TRPM2: variants seen among roughly 807,000 people sequenced by gnomAD.
The protein encoded by TRPM2 is estrogen-responsive element-associated gene 1 protein.
A neutral mutation model predicts 174.0 loss-of-function variants in TRPM2; 161 were observed. The ratio of observed to expected loss-of-function variants is 0.93; its 90% CI spans 0.81 to 1.05. TRPM2 has a LOEUF of 1.05. TRPM2 is among the 50% of genes least tolerant of loss of function. The probability of loss-of-function intolerance (pLI) is 0.00; values close to 1 mark genes in which losing one functional copy is unlikely to be tolerated. For synonymous variants in TRPM2, 954 were observed against 861.3 expected, an observed-to-expected ratio of 1.11 and a Z score of -1.88; for missense variants, 2,057 against 2,038.0, an observed-to-expected ratio of 1.01 and a Z score of -0.18.
rs552085410 is a variant in TRPM2, at chr21:44,379,237, C to T, written c.1215+40C>T. 12 of 1,597,866 alleles carry T rather than the reference C, an allele frequency of 7.5e-6. No homozygotes were observed. In the South Asian group the frequency reaches 1.2e-4, roughly 16 times the overall value. On this transcript the variant is annotated intron_variant, in intron 8 of 31. Coordinates refer to ENST00000397928, the MANE Select transcript of TRPM2 (RefSeq NM_003307.4). ...CACGACGGTCACCAGCATGTGGCTG[C>T]TTTGCAGAGACACTGTCAGCCTGGT...
intron 27 of TRPM2, among the ~76,000 whole-genome samples, chr21:44,431,218 C>T (rs2051010519): frequency 6.6e-6 from 1 of 151,846 alleles, no homozygotes; most frequent in Admixed American, 6.6e-5. Context: ...TAGGCTGTAA[C>T]CCTTAAATTT....
rs1164968531 is a variant in TRPM2 at position 44,382,762 on chromosome 21, G to A, written c.1260G>A (p.Arg420=). The A allele has an allele frequency of 2.5e-6, 4 of 1,614,106 alleles. No individual in the cohort carries two copies. Among genetic ancestry groups the A allele is most frequent in the Non-Finnish European group, 3.4e-6 (4 of 1,180,026 alleles). The change falls in exon 9 of 32, where the codon CGG becomes CGA. Residue 420 remains arginine (R), a synonymous_variant. Transcript: ENST00000397928. The part of the protein sequence containing the change: ...VRRRQLLTVF[R]EGKDGQQDVD... ...GGCGGCAGCTGCTGACTGTCTTCCG[G>A]GAAGGCAAGGATGGTCAGCAGGACG...
At chr21:44,372,822 AC>A (rs1219135033) in intron 5 of TRPM2, among the ~76,000 whole-genome samples, 1 of 151,994 alleles carries the variant, frequency 6.6e-6, no homozygotes, top group African/African-American at 2.4e-5. Context: ...TGGCTTGGGC[AC>A]CCCCTACCCT....
At chr21:44,380,715 G>A (rs1479611845) in intron 8 of TRPM2, among the ~76,000 whole-genome samples, 1 of 152,206 alleles carries the variant, frequency 6.6e-6, no homozygotes, top group African/African-American at 2.4e-5. Context: ...CTCGGGTGCT[G>A]CTGCTGGTGG....
rs769224418 is a variant in TRPM2, at chr21:44,399,306, C to T, written c.2073C>T (p.Thr691=). 25 of 1,612,340 alleles carry T rather than the reference C, an allele frequency of 1.6e-5. No homozygotes were observed. The highest frequency in any genetic ancestry group is 1.9e-5 in the Non-Finnish European group (23 of 1,179,710). Residue 691 remains threonine (T), a synonymous_variant, in exon 14 of 32, where the codon ACC becomes ACT. Coordinates refer to ENST00000397928, the MANE Select transcript of TRPM2 (RefSeq NM_003307.4). This position sits in a 1 kb window ranked among gnomAD's most constrained non-coding sequence, Gnocchi z 4.6. ...CATATCTCCGCCCAGGGGTCTTCAC[C>T]GAGTGCTACCGGAAGGACGAAGAGA... ...EYEHRAIGVF[T]ECYRKDEERA...
Position 44,405,245 on chromosome 21 carries a change from C to T in TRPM2, c.2642C>T (p.Ala881Val), listed in dbSNP as rs762456763. The T allele has an allele frequency of 1.9e-6, 3 of 1,612,976 alleles. No homozygotes were observed. Among genetic ancestry groups the T allele is most frequent in the East Asian group, 4.5e-5 (2 of 44,898 alleles). Residue 881 changes from alanine (A) to valine (V), a missense_variant, in exon 17 of 32, where the codon GCA becomes GTA. Physicochemically the swap from Ala to Val is moderately conservative, Grantham distance 64. Coordinates refer to ENST00000397928, the MANE Select transcript of TRPM2 (RefSeq NM_003307.4). Reference sequence around the variant, plus strand: ...GTCGGCGCAATCTTGCTCTTCGTGGCAGGGCTGACCTGCAGGTGAGTGGCC... The same window carrying T: ...GTCGGCGCAATCTTGCTCTTCGTGGTAGGGCTGACCTGCAGGTGAGTGGCC... ...LDVGAILLFV[A>V]GLTCRLIPAT...
At chr21:44,369,993 G>C (rs1270727266) in intron 5 of TRPM2, among the ~76,000 whole-genome samples, 6 of 147,444 alleles carry the variant, frequency 4.1e-5, no homozygotes, top group South Asian at 2.1e-4. Context: ...ACGTCTGACC[G>C]GGTGCTGTGA....
chr21:44,429,278 C>CTTTTTTT lies in TRPM2; in HGVS notation c.3974+2187_3974+2193dup, dbSNP rs35708355. On this transcript the variant is annotated intron_variant, in intron 27 of 31. Transcript: ENST00000397928. ...GTAATTATAACATTTTTTTCTTTTT[C>CTTTTTTT]TTTTTTTTTTTTTTTTTTTTTTTTT... Among the ~76,000 whole-genome samples the CTTTTTTT allele has an allele frequency of 1.3e-3, 58 of 44,200 alleles. 1 individual carries two copies. The highest frequency in any genetic ancestry group is 0.023 in the Middle Eastern group (1 of 44). 29.0% of individuals were successfully genotyped at this position (44,200 alleles called of 152,430 possible).
At chr21:44,373,552 CG>C (rs1569029722) in intron 5 of TRPM2, among the ~76,000 whole-genome samples, 1 of 100,486 alleles carries the variant, frequency 1.0e-5, no homozygotes, top group African/African-American at 3.3e-5. Flanking sequence ...GCATTATATG[CG>C]ACCTGCATTA....
At chr21:44,400,163 T>C in intron 14 of TRPM2, 96 bp from the exon 15 acceptor site, 1 of 1,016,010 alleles carries the variant, frequency 9.8e-7, no homozygotes, top group Non-Finnish European at 1.5e-6. Context: ...GCTAGCTCTG[T>C]CCACTAGGCA....
intron 2 of TRPM2, 45 bp from the exon 3 acceptor site, chr21:44,364,069 G>T (rs950095036): frequency 6.3e-7 from 1 of 1,589,402 alleles, no homozygotes; most frequent in African/African-American, 1.3e-5. Context: ...CAGGGAGCAG[G>T]AAGGGCACCA....
At chr21:44,386,168 G>A (rs1317020797) in intron 9 of TRPM2, among the ~76,000 whole-genome samples, 2 of 152,110 alleles carry the variant, frequency 1.3e-5, no homozygotes, top group Non-Finnish European at 2.9e-5. Context: ...GGCGGATCAC[G>A]AGGTCAGGAG....
chr21:44,377,450 A>T (rs189173972), intron 6 of TRPM2, among the ~76,000 whole-genome samples: 2 of 152,288 alleles, frequency 1.3e-5, no homozygotes, highest in African/African-American at 4.8e-5. Context: ...CTGCTCATTG[A>T]TGTGGAACAG....
At position 44,413,902 on chromosome 21, in the gene TRPM2, A is replaced by C; in HGVS notation, c.2974A>C (p.Asn992His). 6.2e-7 allele frequency: 1 copy of C among 1,611,340 alleles called. No homozygotes were observed. The highest frequency in any genetic ancestry group is 1.3e-5 in the African/African-American group (1 of 74,940). Reference sequence around the variant, plus strand: ...ATTCCCAACGCCAGGTGTGAACTTCAACCCGGAGCACTGCAGCCCCAATGG... The same window carrying C: ...ATTCCCAACGCCAGGTGTGAACTTCCACCCGGAGCACTGCAGCCCCAATGG... The part of the protein sequence containing the change: ...IPGYIDGVNF[N>H]PEHCSPNGTD... The change falls in exon 20 of 32, where the codon AAC (asparagine) becomes CAC (histidine). Residue 992 changes from asparagine (N) to histidine (H), a missense_variant. Transcript: ENST00000397928.
At chr21:44,373,977 A>AT (rs1280550924) in intron 5 of TRPM2, among the ~76,000 whole-genome samples, 3 of 151,574 alleles carry the variant, frequency 2.0e-5, no homozygotes, top group Non-Finnish European at 4.4e-5. Context: ...TTCTGCTAAA[A>AT]TTCTGTTCAT....
intron 25 of TRPM2, 96 bp downstream of exon 25, chr21:44,425,923 C>CAGATGTGTATAAGAG: frequency 7.4e-7 from 1 of 1,355,074 alleles, no homozygotes; most frequent in South Asian, 1.8e-5. Flanking sequence ...AATCCTGGCT[C>CAGATGTGTATAAGAG]CCAGCCACTG....
At chr21:44,351,167 G>C (rs1371530211), upstream of TRPM2, among the ~76,000 whole-genome samples, 3 of 152,224 alleles carry the variant, frequency 2.0e-5, no homozygotes, top group Non-Finnish European at 4.4e-5. Flanking sequence ...CTGGGGGCGG[G>C]TGGGCACACC....
chr21:44,353,591 T>C, upstream of TRPM2: 1 of 1,316,096 alleles, frequency 7.6e-7, no homozygotes, highest in Admixed American at 4.1e-5. Flanking sequence ...CTGTCTCTGA[T>C]CTATTTCAGC....
At chr21:44,423,771 T>G in intron 23 of TRPM2, 39 bp downstream of exon 23, 1 of 1,531,112 alleles carries the variant, frequency 6.5e-7, no homozygotes, top group Non-Finnish European at 8.9e-7. Flanking sequence ...GAGGTGCCAC[T>G]GCTGGGCCTG....
Sources: gnomAD v4.1 joint callset for allele counts (sites outside exome capture counted in the v4.1 genomes callset) on GRCh38, gnomAD v4.1.1 for gene constraint, Gnocchi (gnomAD v3.1) non-coding constraint, MANE v1.5 for transcripts, NCBI Gene and HGNC (gene_info 2026-07-23, HGNC 2026-07-21) for gene names.